The following HECTD4 variants were observed in gnomAD, a reference collection of about 807,000 sequenced individuals.
HECTD4 encodes HECT domain E3 ubiquitin protein ligase 4.
HECTD4 carries 114 observed loss-of-function variants against 471.5 expected under a neutral mutation model. The ratio of observed to expected loss-of-function variants is 0.24; its 90% CI spans 0.21 to 0.28. HECTD4 has a LOEUF of 0.28. HECTD4 is among the 10% of genes least tolerant of loss of function. The probability of loss-of-function intolerance (pLI) is 1.00; values close to 1 mark genes in which losing one functional copy is unlikely to be tolerated. For synonymous variants in HECTD4, 2,012 were observed against 2,256.0 expected, an observed-to-expected ratio of 0.89 and a Z score of 3.07; for missense variants, 3,866 against 5,651.5, an observed-to-expected ratio of 0.68 and a Z score of 10.13.
chr12:112,377,385 A>G (rs538315215), intron 1 of HECTD4, among the ~76,000 whole-genome samples: 1 of 152,234 alleles, frequency 6.6e-6, no homozygotes, highest in East Asian at 1.9e-4. Context: ...GTCATGTTAC[A>G]TATTTGTCAT....
intron 7 of HECTD4, chr12:112,301,906 CT>C: frequency 1.9e-6 from 2 of 1,063,800 alleles, no homozygotes; most frequent in Non-Finnish European, 2.9e-6. Context: ...TAGCCTTTGC[CT>C]TTTCGAGCTT....
intron 1 of HECTD4, among the ~76,000 whole-genome samples, chr12:112,367,100 G>A (rs1174007489): frequency 2.0e-5 from 3 of 150,664 alleles, no homozygotes; most frequent in Non-Finnish European, 4.4e-5. Flanking sequence ...TCAGGAGTAC[G>A]AGACCCGTCT....
At chr12:112,175,952 A>G (rs1383250143) in intron 65 of HECTD4, 93 bp from the exon 66 acceptor site, 16 of 1,486,264 alleles carry the variant, frequency 1.1e-5, no homozygotes, top group Admixed American at 2.0e-5. Context: ...CCTCTCCCCT[A>G]CGGCCCAACC....
rs1441808115 is a variant in HECTD4, at chr12:112,233,072, G to T, written c.5929C>A (p.Arg1977=). The T allele has an allele frequency of 3.1e-6, 5 of 1,608,726 alleles. No homozygotes were observed. The Admixed American group carries it at 5.1e-5, about 16-fold the overall frequency. ...LQPLLSSSEG[R]PFRLGTGANM... is the part of the protein sequence containing the mutation. Reference sequence around the variant, plus strand: ...GCGCCAGTACCAAGTCGGAAGGGCCGTCCTTCTGAACTACTGAAAAAAGGC... The same window carrying T: ...GCGCCAGTACCAAGTCGGAAGGGCCTTCCTTCTGAACTACTGAAAAAAGGC... The change falls in exon 38 of 76, where the codon CGG becomes AGG. Residue 1977 remains arginine (R), a synonymous_variant. Coordinates refer to ENST00000682272, the MANE Select transcript of HECTD4 (RefSeq NM_001388303.1).
At position 112,319,172 on chromosome 12, in the gene HECTD4, C is replaced by G; in HGVS notation, c.695+53G>C. 1 of 1,517,172 alleles carries G rather than the reference C, an allele frequency of 6.6e-7. No individual in the cohort carries two copies. The highest frequency in any genetic ancestry group is 1.2e-5 in the South Asian group (1 of 82,354). The allele number at this position is 1,517,172 out of a possible 1,614,324, so 94.0% of individuals were successfully genotyped here. ...CTTGGCCTCTTCTTCATTCACCCAA[C>G]CCAGGTGGCAGTAGTCACAAGGTCA... On this transcript the variant is annotated intron_variant, in intron 2 of 75. Transcript: ENST00000682272. The surrounding 1 kb of genome is among the most constrained non-coding windows in gnomAD (Gnocchi z 5.3).
chr12:112,270,488 G>T, intron 11 of HECTD4, 29 bp from the exon 12 acceptor site: 1 of 1,566,634 alleles, frequency 6.4e-7, no homozygotes, highest in South Asian at 1.1e-5. Context: ...ACTGAGTGAG[G>T]AAAGACATCT....
chr12:112,193,442 G>T lies in HECTD4; in HGVS notation c.8955+27C>A. ...CCCAGTTAAAAATGGTAACCACACT[G>T]CAGGAACATGAGCTTTAGACTTCTA... On this transcript the variant is annotated intron_variant, in intron 57 of 75. Coordinates refer to ENST00000682272, the MANE Select transcript of HECTD4 (RefSeq NM_001388303.1). This position sits in a 1 kb window ranked among gnomAD's most constrained non-coding sequence, Gnocchi z 5.2. 1.3e-6 allele frequency: 2 copies of T among 1,583,222 alleles called. No homozygotes were observed. Among genetic ancestry groups the T allele is most frequent in the South Asian group, 1.2e-5 (1 of 86,858 alleles).
At position 112,250,289 on chromosome 12, in the gene HECTD4, T is replaced by C. The variant is rs142746357; in HGVS notation, c.3805A>G (p.Arg1269Gly). ...ACATCAGAGGGGTAGGTGAATTCTC[T>C]GTCTTCCTCTATGGTCAGAGGCAGT... ...SPLPLTIEEDREFTYPSDVLV... is the reference protein window; with the variant it reads ...SPLPLTIEEDGEFTYPSDVLV... Residue 1269 changes from arginine to glycine, a missense_variant, in exon 25 of 76, where the codon AGA (arginine) becomes GGA (glycine). This residue lies in a region of HECTD4 where 281 missense variants were observed against 499.9 expected (regional missense o/e 0.56). Transcript: ENST00000682272. 8.1e-6 allele frequency: 13 copies of C among 1,613,776 alleles called. No homozygotes were observed. The highest frequency in any genetic ancestry group is 1.1e-5 in the Non-Finnish European group (13 of 1,179,796).
chr12:112,244,514 G>A (rs1357501784), intron 29 of HECTD4, among the ~76,000 whole-genome samples: 7 of 152,146 alleles, frequency 4.6e-5, no homozygotes, highest in East Asian at 3.9e-4. Context: ...GATTACAGGC[G>A]TGCACCACCA....
chr12:112,230,870 A>C, intron 39 of HECTD4, 48 bp from the exon 40 acceptor site: 1 of 1,561,906 alleles, frequency 6.4e-7, no homozygotes, highest in South Asian at 1.2e-5. Context: ...GATGGTTAAG[A>C]CTGCAGGGAA....
At chr12:112,273,568 G>T in intron 11 of HECTD4, 87 bp downstream of exon 11, 2 of 1,237,866 alleles carry the variant, frequency 1.6e-6, no homozygotes, top group Non-Finnish European at 2.3e-6. Flanking sequence ...TTCTGGGGTT[G>T]GGCTATGTTT....
intron 23 of HECTD4, among the ~76,000 whole-genome samples, chr12:112,252,070 C>A (rs897264463): frequency 1.3e-5 from 2 of 152,146 alleles, no homozygotes; most frequent in African/African-American, 2.4e-5. Flanking sequence ...CCACGCCCAG[C>A]CGGATGCTTA....
At position 112,213,798 on chromosome 12, in the gene HECTD4, G is replaced by T. The variant is rs911706955; in HGVS notation, c.7466-1148C>A. ...GCATTTTGGGAGGCCAAGGTGGGAA[G>T]ATTGCTTGAGCCCAGGAGTTCAAGA... On this transcript the variant is annotated intron_variant, in intron 48 of 75. Transcript: ENST00000682272. The surrounding 1 kb of genome is among the most constrained non-coding windows in gnomAD (Gnocchi z 4.0). Among the ~76,000 whole-genome samples, 1 of 151,132 alleles carries T rather than the reference G, an allele frequency of 6.6e-6. No homozygotes were observed. Among genetic ancestry groups the T allele is most frequent in the South Asian group, 2.1e-4 (1 of 4,808 alleles).
chr12:112,216,441 G>GGAAGTGGT, intron 47 of HECTD4, 70 bp from the exon 48 acceptor site: 2 of 1,078,714 alleles, frequency 1.9e-6, no homozygotes, highest in Non-Finnish European at 2.8e-6. Context: ...ACACAAACAG[G>GGAAGTGGT]GAAGTGGTGA....
chr12:112,203,678 C>T lies in HECTD4; in HGVS notation c.8364G>A (p.Leu2788=). The T allele has an allele frequency of 6.2e-7, 1 of 1,613,488 alleles. No homozygotes were observed. The highest frequency in any genetic ancestry group is 8.5e-7 in the Non-Finnish European group (1 of 1,179,674). ...ALPKFAIRGM[L]KTFGLHGVVL... ...CGACTCCATGAAGCCCAAAGGTTTT[C>T]AGCATCCCTCGGATGGCAAATTTTG... Residue 2788 remains leucine (L), a synonymous_variant, in exon 54 of 76, where the codon CTG becomes CTA. Coordinates refer to ENST00000682272, the MANE Select transcript of HECTD4 (RefSeq NM_001388303.1).
intron 43 of HECTD4, among the ~76,000 whole-genome samples, chr12:112,227,287 C>T (rs535832022): frequency 3.0e-4 from 46 of 152,154 alleles, no homozygotes; most frequent in Admixed American, 3.3e-4. Context: ...TGGCGAGACC[C>T]CATCTCTACT....
Position 112,207,909 on chromosome 12 carries a change from G to T in HECTD4, c.8096C>A (p.Ser2699Ter). ...GGCCCCCTTTATCTGGTCCAGGCCC[G>T]ATTTCCGCTCTGCTTCATTGCGGAA... ...RRFRNEAERK[S>*]GLDQIKGALQ... Residue 2699 changes from serine (S) to a stop codon, truncating the protein, a stop_gained, in exon 52 of 76, where the codon TCG (serine) becomes TAG (stop). Transcript: ENST00000682272. LOFTEE classifies it high-confidence loss of function. 6.2e-7 allele frequency: 1 copy of T among 1,613,940 alleles called. No homozygotes were observed. The highest frequency in any genetic ancestry group is 8.5e-7 in the Non-Finnish European group (1 of 1,179,868).
At chr12:112,299,546 C>T (rs1383630130) in intron 7 of HECTD4, among the ~76,000 whole-genome samples, 3 of 152,040 alleles carry the variant, frequency 2.0e-5, no homozygotes, top group Non-Finnish European at 2.9e-5. Flanking sequence ...TCACTTGAGC[C>T]CAGGAGTCTG....
rs2032157080 is a variant in HECTD4 at position 112,193,799 on chromosome 12, T to C, written c.8750-125A>G. On this transcript the variant is annotated intron_variant, in intron 56 of 75. Transcript: ENST00000682272. This position sits in a 1 kb window ranked among gnomAD's most constrained non-coding sequence, Gnocchi z 5.2. ...GATGGGAGGGTTATCCTGGATATGATGTCCTGGATAACAGATGCCGGCAAT... is the reference window on the plus strand; with the variant it reads ...GATGGGAGGGTTATCCTGGATATGACGTCCTGGATAACAGATGCCGGCAAT... The C allele has an allele frequency of 9.9e-6, 8 of 804,558 alleles. No homozygotes were observed. In the Admixed American group the frequency reaches 1.1e-4, roughly 11 times the overall value. The allele number at this position is 804,558 out of a possible 1,614,324, so 49.8% of individuals were successfully genotyped here. A position where few individuals can be genotyped will look rare whatever the true frequency, so the allele number is the denominator to read the frequency against.
Sources: gnomAD v4.1 joint callset for allele counts (sites outside exome capture counted in the v4.1 genomes callset) on GRCh38, gnomAD v4.1.1 for gene constraint, gnomAD v4.1.1 regional missense constraint, Gnocchi (gnomAD v3.1) non-coding constraint, MANE v1.5 for transcripts, NCBI Gene and HGNC (gene_info 2026-07-23, HGNC 2026-07-21) for gene names.